The following RFX8 variants were observed in gnomAD, a reference collection of about 807,000 sequenced individuals.
RFX8 encodes the protein DNA-binding protein RFX8.
In RFX8, 46 loss-of-function variants were observed where a neutral mutation model predicts 54.6. That is an observed-to-expected ratio of 0.84 (90% CI 0.67 to 1.08). RFX8 has a LOEUF of 1.08. RFX8 is among the 50% of genes least tolerant of loss of function. The probability of loss-of-function intolerance (pLI) is 0.00; values close to 1 mark genes in which losing one functional copy is unlikely to be tolerated. For missense variants in RFX8, 536 were observed against 562.3 expected, an observed-to-expected ratio of 0.95 and a Z score of 0.47; for synonymous variants, 192 against 209.5, an observed-to-expected ratio of 0.92 and a Z score of 0.72.
At chr2:101,444,736 T>C (rs1210789511) in intron 2 of RFX8, among the ~76,000 whole-genome samples, 1 of 152,122 alleles carries the variant, frequency 6.6e-6, no homozygotes, top group Non-Finnish European at 1.5e-5. Context: ...AAAAATAATA[T>C]ATGAATACCA....
intron 2 of RFX8, among the ~76,000 whole-genome samples, chr2:101,460,648 C>T (rs190687133): frequency 4.6e-5 from 7 of 151,956 alleles, no homozygotes; most frequent in African/African-American, 1.4e-4. Context: ...GTATTTGGAG[C>T]TGTCAAGTAA....
intron 2 of RFX8, among the ~76,000 whole-genome samples, chr2:101,427,216 C>T (rs1389938271): frequency 6.6e-6 from 1 of 152,178 alleles, no homozygotes; most frequent in African/African-American, 2.4e-5. Context: ...ATCCCTGGAA[C>T]CTATGAATAT....
intron 11 of RFX8, among the ~76,000 whole-genome samples, chr2:101,399,016 A>G (rs1685279305): frequency 6.6e-6 from 1 of 152,262 alleles, no homozygotes; most frequent in African/African-American, 2.4e-5. Context: ...CCTGGAGTAC[A>G]TGACCTAAAT....
intron 11 of RFX8, among the ~76,000 whole-genome samples, chr2:101,400,414 C>A (rs970001144): frequency 6.6e-6 from 1 of 152,306 alleles, no homozygotes; most frequent in East Asian, 1.9e-4. Flanking sequence ...TGGACTTCTA[C>A]AAGAATCCTC....
intron 1 of RFX8, among the ~76,000 whole-genome samples, chr2:101,469,108 G>GTA (rs1491251595): frequency 1.2e-4 from 2 of 16,690 alleles, no homozygotes; most frequent in Admixed American, 3.3e-4. Flanking sequence ...ATATATATAA[G>GTA]TGTATATATA....
chr2:101,398,022 C>A (rs765775411), intron 11 of RFX8, among the ~76,000 whole-genome samples: 1 of 152,174 alleles, frequency 6.6e-6, no homozygotes, highest in Non-Finnish European at 1.5e-5. Context: ...CCATGCCCAG[C>A]TAATTTTGTA....
In RFX8 at chr2:101,428,048, T is replaced by G. The variant is rs527618035; in HGVS notation, c.73-5576A>C. Among the ~76,000 whole-genome samples, 23 of 77,856 alleles carry G rather than the reference T, an allele frequency of 3.0e-4. No individual in the cohort carries two copies. In the South Asian group the frequency reaches 0.013, roughly 44 times the overall value. 51.1% of individuals were successfully genotyped at this position (77,856 alleles called of 152,430 possible). On this transcript the variant is annotated intron_variant, in intron 2 of 11. Coordinates refer to ENST00000428343, the MANE Select transcript of RFX8 (RefSeq NM_001145664.2). ...GTGGCTCACTCCTGTAATCCCAGCA[T>G]TTTGGGAGGCCAAGGGGGGCAGATC...
intron 2 of RFX8, among the ~76,000 whole-genome samples, chr2:101,446,671 GAAAC>G (rs1002720534): frequency 4.6e-5 from 7 of 152,010 alleles, no homozygotes; most frequent in Admixed American, 6.6e-5. Context: ...TGTGACATCG[GAAAC>G]AAACAGAGTC....
At chr2:101,470,684 G>C (rs1294990387) in intron 1 of RFX8, among the ~76,000 whole-genome samples, 1 of 146,558 alleles carries the variant, frequency 6.8e-6, no homozygotes, top group African/African-American at 2.5e-5. Flanking sequence ...TACTTAGCCA[G>C]TGCTTCACAC....
At chr2:101,451,581 C>G (rs897270010) in intron 2 of RFX8, among the ~76,000 whole-genome samples, 1 of 149,142 alleles carries the variant, frequency 6.7e-6, no homozygotes, top group East Asian at 2.0e-4. Flanking sequence ...CCCAGCTACT[C>G]GGGAGGCTGA....
intron 11 of RFX8, among the ~76,000 whole-genome samples, chr2:101,397,961 C>T (rs893321902): frequency 2.6e-5 from 4 of 152,100 alleles, no homozygotes; most frequent in Non-Finnish European, 4.4e-5. Flanking sequence ...TGGGTTCAAG[C>T]GATTCTCCTG....
intron 1 of RFX8, among the ~76,000 whole-genome samples, chr2:101,469,040 A>AAG (rs1558896297): frequency 1.3e-4 from 7 of 55,644 alleles, no homozygotes; most frequent in African/African-American, 4.6e-4. Flanking sequence ...ACGTATATAT[A>AAG]TGTATATATA....
intron 1 of RFX8, among the ~76,000 whole-genome samples, chr2:101,468,469 T>C (rs1573495454): frequency 6.6e-6 from 1 of 152,124 alleles, no homozygotes; most frequent in African/African-American, 2.4e-5. Flanking sequence ...TGCATTTTTT[T>C]AGTAGAGACG....
At chr2:101,468,833 C>T (rs2148997067) in intron 1 of RFX8, among the ~76,000 whole-genome samples, 1 of 151,170 alleles carries the variant, frequency 6.6e-6, no homozygotes, top group South Asian at 2.1e-4. Context: ...CCTGACACTT[C>T]AGATACTTCA....
At chr2:101,427,449 T>A (rs112155252) in intron 2 of RFX8, among the ~76,000 whole-genome samples, 10 of 152,070 alleles carry the variant, frequency 6.6e-5, no homozygotes, top group Non-Finnish European at 1.2e-4. Flanking sequence ...AGCCAAGGAA[T>A]GGGAGGGACC....
At chr2:101,402,882 A>T in intron 10 of RFX8, 130 bp from the exon 11 acceptor site, 1 of 839,146 alleles carries the variant, frequency 1.2e-6, no homozygotes, top group Non-Finnish European at 1.8e-6. Context: ...CTTACCCAGA[A>T]GAGGCCTGGG....
chr2:101,422,261 C>G, intron 3 of RFX8, 101 bp downstream of exon 3: 2 of 683,222 alleles, frequency 2.9e-6, no homozygotes, highest in Non-Finnish European at 5.3e-6. Flanking sequence ...AAACATTATT[C>G]CATGTGACAC....
At chr2:101,453,030 T>C (rs1179000689) in intron 2 of RFX8, among the ~76,000 whole-genome samples, 3 of 73,202 alleles carry the variant, frequency 4.1e-5, no homozygotes, top group Admixed American at 3.7e-4. Flanking sequence ...CTAGGGAGGC[T>C]GAACCTGGGA....
At chr2:101,421,150 G>A (rs1011096831) in intron 4 of RFX8, 23 of 609,360 alleles carry the variant, frequency 3.8e-5, no homozygotes, top group African/African-American at 2.8e-4. Flanking sequence ...CAAAGTTGAA[G>A]TGCTTAGAAT....
Sources: gnomAD v4.1 joint callset for allele counts (sites outside exome capture counted in the v4.1 genomes callset) on GRCh38, gnomAD v4.1.1 for gene constraint, MANE v1.5 for transcripts, NCBI Gene and HGNC (gene_info 2026-07-23, HGNC 2026-07-21) for gene names.